ADORA2B: variants seen among roughly 807,000 people sequenced by gnomAD.
The protein encoded by ADORA2B is adenosine A2b receptor.
A neutral mutation model predicts 20.8 loss-of-function variants in ADORA2B; 18 were observed. The ratio of observed to expected loss-of-function variants is 0.87; its 90% CI spans 0.60 to 1.29. ADORA2B has a LOEUF of 1.29. Among genes scored for constraint, ADORA2B ranks in the 50% most tolerant of loss-of-function variants. The pLI, the probability that ADORA2B is intolerant of heterozygous loss-of-function variation, is 0.00. For synonymous variants in ADORA2B, 179 were observed against 178.3 expected (o/e 1.00, Z -0.03); for missense variants, 441 against 422.7 (o/e 1.04, Z -0.38).
chr17:15,855,383 G>C, the ADORA2B span, among the ~76,000 whole-genome samples: 1 of 151,958 alleles, frequency 6.6e-6, no homozygotes, highest in Non-Finnish European at 1.5e-5. Flanking sequence ...AGAGCCCTGT[G>C]CTTGGCCTCT....
the ADORA2B span, among the ~76,000 whole-genome samples, chr17:15,861,823 A>T: frequency 6.6e-6 from 1 of 152,154 alleles, no homozygotes; most frequent in African/African-American, 2.4e-5. Flanking sequence ...CTGCTTCTTC[A>T]TGTTGGTTAA....
At chr17:15,946,261 T>TA (rs1969804758) in intron 1 of ADORA2B, among the ~76,000 whole-genome samples, 1 of 152,232 alleles carries the variant, frequency 6.6e-6, no homozygotes, top group African/African-American at 2.4e-5. Context: ...CAAACGGCCT[T>TA]ACAGCCTCAC....
At chr17:15,898,565 C>T in the ADORA2B span, among the ~76,000 whole-genome samples, 4 of 150,388 alleles carry the variant, frequency 2.7e-5, no homozygotes, top group South Asian at 6.3e-4. Flanking sequence ...GATGGGGTTT[C>T]ACCATGTTGG....
At chr17:15,885,713 CA>C in the ADORA2B span, among the ~76,000 whole-genome samples, 107 of 128,602 alleles carry the variant, frequency 8.3e-4, no homozygotes, top group Admixed American at 1.3e-3. Flanking sequence ...GACTCCGTAT[CA>C]AAAAAAAAAA....
At chr17:15,936,270 ATCTT>A in the ADORA2B span, among the ~76,000 whole-genome samples, 9 of 152,020 alleles carry the variant, frequency 5.9e-5, no homozygotes, top group African/African-American at 1.9e-4. Flanking sequence ...TTGGTGAGAC[ATCTT>A]TCTTTCAATT....
chr17:15,894,201 A>G, the ADORA2B span, among the ~76,000 whole-genome samples: 1 of 152,160 alleles, frequency 6.6e-6, no homozygotes, highest in African/African-American at 2.4e-5. Context: ...GAACTCATGA[A>G]CTCTGAACTG....
chr17:15,956,938 G>A (rs1465059851), intron 1 of ADORA2B, among the ~76,000 whole-genome samples: 1 of 152,174 alleles, frequency 6.6e-6, no homozygotes, highest in Non-Finnish European at 1.5e-5. Flanking sequence ...ATTTTGTGAG[G>A]AGTGATAATT....
the ADORA2B span, among the ~76,000 whole-genome samples, chr17:15,890,853 A>G: frequency 6.6e-6 from 1 of 152,128 alleles, no homozygotes; most frequent in Non-Finnish European, 1.5e-5. Flanking sequence ...AAGAGAGGGG[A>G]CCCAGGAGCC....
the ADORA2B span, among the ~76,000 whole-genome samples, chr17:15,867,039 G>A: frequency 6.6e-6 from 1 of 152,218 alleles, no homozygotes; most frequent in African/African-American, 2.4e-5. Context: ...CGCCAGCCTC[G>A]GCCTCCCGAG....
chr17:15,900,114 G>A, the ADORA2B span, among the ~76,000 whole-genome samples: 1 of 152,170 alleles, frequency 6.6e-6, no homozygotes, highest in African/African-American at 2.4e-5. Context: ...ACAGGCATGA[G>A]CCACTGCACC....
chr17:15,881,493 A>G, the ADORA2B span, among the ~76,000 whole-genome samples: 1 of 152,248 alleles, frequency 6.6e-6, no homozygotes, highest in South Asian at 2.1e-4. Context: ...AAGCACGTTC[A>G]CATGGTTGTG....
chr17:15,905,831 T>C, the ADORA2B span, among the ~76,000 whole-genome samples: 23 of 152,166 alleles, frequency 1.5e-4, no homozygotes, highest in South Asian at 4.1e-3. Flanking sequence ...AATTTTTGTA[T>C]TTTTAGTAGA....
chr17:15,882,499 A>G, the ADORA2B span, among the ~76,000 whole-genome samples: 2 of 152,152 alleles, frequency 1.3e-5, no homozygotes, highest in African/African-American at 4.8e-5. Flanking sequence ...GGATTGCTTG[A>G]GCCCAGAAGT....
chr17:15,924,754 T>TCCTGTAGTCCCAGCTACTTGGG, the ADORA2B span, among the ~76,000 whole-genome samples: 1 of 75,692 alleles, frequency 1.3e-5, no homozygotes, highest in Non-Finnish European at 2.3e-5. Context: ...AAAAAAAAGT[T>TCCTGTAGTCCCAGCTACTTGGG]AAGTAGTATT....
chr17:15,871,045 C>T, the ADORA2B span, among the ~76,000 whole-genome samples: 1 of 152,156 alleles, frequency 6.6e-6, no homozygotes, highest in African/African-American at 2.4e-5. Flanking sequence ...AGGGCTCTCC[C>T]GTGTTGTGGG....
At chr17:15,949,728 G>A (rs1041896694) in intron 1 of ADORA2B, among the ~76,000 whole-genome samples, 5 of 151,722 alleles carry the variant, frequency 3.3e-5, no homozygotes, top group South Asian at 4.2e-4. Flanking sequence ...AAAATTAGCC[G>A]GGCGTGGTGG....
At chr17:15,936,691 C>T in the ADORA2B span, among the ~76,000 whole-genome samples, 1 of 152,202 alleles carries the variant, frequency 6.6e-6, no homozygotes, top group African/African-American at 2.4e-5. Flanking sequence ...CGCAGTGGCT[C>T]ATGCCTGTAA....
At chr17:15,871,511 G>C in the ADORA2B span, among the ~76,000 whole-genome samples, 1 of 152,188 alleles carries the variant, frequency 6.6e-6, no homozygotes, top group Non-Finnish European at 1.5e-5. Context: ...CTGAGAACTA[G>C]GATTACAGGA....
the ADORA2B span, among the ~76,000 whole-genome samples, chr17:15,870,580 T>A: frequency 3.5e-5 from 4 of 114,702 alleles, no homozygotes; most frequent in Middle Eastern, 3.6e-3. Context: ...GCTACTGCAC[T>A]CCATCCTGGA....
Sources: gnomAD v4.1 joint callset for allele counts (sites outside exome capture counted in the v4.1 genomes callset) on GRCh38, gnomAD v4.1.1 for gene constraint, MANE v1.5 for transcripts, NCBI Gene and HGNC (gene_info 2026-07-23, HGNC 2026-07-21) for gene names.